PTP4A3: variants seen among roughly 807,000 people sequenced by gnomAD.
PTP4A3 encodes protein tyrosine phosphatase type IVA 3.
Under a neutral mutation model 15.2 loss-of-function variants are expected in PTP4A3, and 9 were observed. That is an observed-to-expected ratio of 0.59 (90% CI 0.36 to 1.03). PTP4A3 has a LOEUF of 1.03. PTP4A3 is among the 50% of genes least tolerant of loss of function. The probability of loss-of-function intolerance (pLI) is 0.02; values close to 1 mark genes in which losing one functional copy is unlikely to be tolerated. For missense variants in PTP4A3, 234 were observed against 252.1 expected (o/e 0.93, Z 0.49); for synonymous variants, 95 against 102.0 (o/e 0.93, Z 0.41).
intron 2 of PTP4A3, 139 bp downstream of exon 2, chr8:141,422,484 C>T (rs1333667822): frequency 6.6e-6 from 6 of 904,422 alleles, no homozygotes; most frequent in South Asian, 3.2e-5. Context: ...AAAGCCCAGT[C>T]GCCTGTTACA....
At chr8:141,397,087 C>A (rs1832470521) in intron 1 of PTP4A3, among the ~76,000 whole-genome samples, 1 of 152,206 alleles carries the variant, frequency 6.6e-6, no homozygotes, top group Non-Finnish European at 1.5e-5. Flanking sequence ...ACAGGTTGAT[C>A]TGTGTTGAAT....
intron 5 of PTP4A3, among the ~76,000 whole-genome samples, chr8:141,428,807 C>A (rs1056198039): frequency 1.0e-5 from 1 of 96,240 alleles, no homozygotes; most frequent in Non-Finnish European, 2.1e-5. Flanking sequence ...CGCAGGCACA[C>A]ACTCACAGGC....
At chr8:141,418,676 G>A (rs1563733791) in intron 1 of PTP4A3, among the ~76,000 whole-genome samples, 1 of 152,180 alleles carries the variant, frequency 6.6e-6, no homozygotes, top group African/African-American at 2.4e-5. Context: ...ACGGCTGCCA[G>A]TGGGTCCCCG....
intron 1 of PTP4A3, among the ~76,000 whole-genome samples, chr8:141,420,646 C>T (rs1003810197): frequency 5.3e-5 from 8 of 152,226 alleles, no homozygotes; most frequent in Non-Finnish European, 1.2e-4. Context: ...CGTGTTCTGT[C>T]CCCGCCTCCC....
chr8:141,418,190 G>C (rs565954275), intron 1 of PTP4A3, among the ~76,000 whole-genome samples: 119 of 152,232 alleles, frequency 7.8e-4, no homozygotes, highest in African/African-American at 2.8e-3. Context: ...GGACTCCCCA[G>C]AGCGCCCGCC....
intron 1 of PTP4A3, among the ~76,000 whole-genome samples, chr8:141,398,967 G>A (rs1393695875): frequency 1.3e-5 from 2 of 152,096 alleles, no homozygotes; most frequent in Non-Finnish European, 2.9e-5. Context: ...CCCTGTCCCT[G>A]TCCCCATCTC....
In PTP4A3 at chr8:141,404,407, C is replaced by A. The variant is rs6998948; in HGVS notation, c.-854+12323C>A. Reference sequence around the variant, plus strand: ...GATTGGAGGGTCCATTGGGGCAGGGCCCCCCAGCAGCTGAGGGCCTCTCTC... The same window carrying A: ...GATTGGAGGGTCCATTGGGGCAGGGACCCCCAGCAGCTGAGGGCCTCTCTC... On this transcript the variant is annotated intron_variant, in intron 1 of 5. Transcript: ENST00000521578. Among the ~76,000 whole-genome samples, 280 of 152,328 alleles carry A rather than the reference C, an allele frequency of 1.8e-3. 1 individual carries two copies. The highest frequency in any genetic ancestry group is 3.1e-3 in the Non-Finnish European group (214 of 68,026).
chr8:141,401,663 C>T (rs895838693), intron 1 of PTP4A3, among the ~76,000 whole-genome samples: 2 of 152,142 alleles, frequency 1.3e-5, no homozygotes, highest in African/African-American at 4.8e-5. Flanking sequence ...AGGAAGTCAC[C>T]GGAAGGGCCG....
Position 141,427,779 on chromosome 8 carries a change from T to C in PTP4A3, c.359T>C (p.Ile120Thr), listed in dbSNP as rs1379831032. Reference protein sequence around the residue: ...RAPVLVALALIESGMKYEDAI... With the variant: ...RAPVLVALALTESGMKYEDAI... Reference sequence around the variant, plus strand: ...CCAGTCCTTGTGGCGCTGGCCCTTATTGAGAGCGGGATGAAGTACGAGGAC... The same window carrying C: ...CCAGTCCTTGTGGCGCTGGCCCTTACTGAGAGCGGGATGAAGTACGAGGAC... Residue 120 changes from isoleucine (I) to threonine (T), a missense_variant, in exon 5 of 6, where the codon ATT (isoleucine) becomes ACT (threonine). By Grantham distance (89) the Ile-to-Thr change is moderately conservative (BLOSUM62 -1). Coordinates refer to ENST00000521578, the MANE Select transcript of PTP4A3 (RefSeq NM_032611.3). 4 of 1,551,938 alleles carry C rather than the reference T, an allele frequency of 2.6e-6. No individual in the cohort carries two copies. Among genetic ancestry groups the C allele is most frequent in the Admixed American group, 3.9e-5 (2 of 51,330 alleles).
intron 2 of PTP4A3, among the ~76,000 whole-genome samples, chr8:141,422,838 G>T (rs1056341957): frequency 1.3e-5 from 2 of 152,164 alleles, no homozygotes; most frequent in Non-Finnish European, 2.9e-5. Context: ...AGGAGGGAGG[G>T]ACCACTGTGC....
At chr8:141,402,512 C>T (rs1470151761) in intron 1 of PTP4A3, among the ~76,000 whole-genome samples, 3 of 152,294 alleles carry the variant, frequency 2.0e-5, no homozygotes, top group South Asian at 4.1e-4. Context: ...ACTACCTGGC[C>T]CTAGGGGGAT....
chr8:141,416,830 A>C (rs1322108855), intron 1 of PTP4A3, among the ~76,000 whole-genome samples: 1 of 148,080 alleles, frequency 6.8e-6, no homozygotes, highest in Non-Finnish European at 1.5e-5. Context: ...GTTTTCTGGA[A>C]GTGTGGGTGG....
chr8:141,409,648 C>T (rs991046143), intron 1 of PTP4A3, among the ~76,000 whole-genome samples: 14 of 152,240 alleles, frequency 9.2e-5, no homozygotes, highest in African/African-American at 3.4e-4. Context: ...GTGTTCCCCA[C>T]CTGCCTGCTG....
At chr8:141,392,747 G>A (rs1440621125) in intron 1 of PTP4A3, among the ~76,000 whole-genome samples, 6 of 152,218 alleles carry the variant, frequency 3.9e-5, no homozygotes, top group African/African-American at 1.2e-4. Flanking sequence ...CCAGGGGTGG[G>A]GTGGTGGCAT....
chr8:141,428,126 C>A (rs1833674756), intron 5 of PTP4A3, among the ~76,000 whole-genome samples: 1 of 152,004 alleles, frequency 6.6e-6, no homozygotes, highest in Admixed American at 6.5e-5. Flanking sequence ...GGTGGAAGGA[C>A]CCCCAGAGCC....
chr8:141,405,992 G>A (rs1832711614), intron 1 of PTP4A3, among the ~76,000 whole-genome samples: 1 of 152,182 alleles, frequency 6.6e-6, no homozygotes, highest in Admixed American at 6.5e-5. Context: ...TCAGAGGGCA[G>A]GGAGCAGCTC....
intron 3 of PTP4A3, among the ~76,000 whole-genome samples, chr8:141,426,053 T>C (rs1341753208): frequency 1.3e-5 from 2 of 152,136 alleles, no homozygotes; most frequent in African/African-American, 2.4e-5. Flanking sequence ...GCGGGAGGGA[T>C]TGGGGTCAGA....
At chr8:141,410,546 TC>T (rs1442220529) in intron 1 of PTP4A3, among the ~76,000 whole-genome samples, 2 of 152,228 alleles carry the variant, frequency 1.3e-5, no homozygotes, top group African/African-American at 4.8e-5. Flanking sequence ...GTGCCAGTGT[TC>T]CAGGGACTCA....
chr8:141,394,873 G>C (rs1832400151), intron 1 of PTP4A3, among the ~76,000 whole-genome samples: 1 of 152,262 alleles, frequency 6.6e-6, no homozygotes, highest in Non-Finnish European at 1.5e-5. Flanking sequence ...ACGTGGTCGG[G>C]TTGGCATCGC....
Sources: gnomAD v4.1 joint callset for allele counts (sites outside exome capture counted in the v4.1 genomes callset) on GRCh38, gnomAD v4.1.1 for gene constraint, MANE v1.5 for transcripts, NCBI Gene and HGNC (gene_info 2026-07-23, HGNC 2026-07-21) for gene names.